NDUFAF2: variants seen among roughly 807,000 people sequenced by gnomAD.
NDUFAF2 encodes the protein NADH:ubiquinone oxidoreductase complex assembly factor 2.
NDUFAF2 carries 13 observed loss-of-function variants against 22.8 expected under a neutral mutation model. The ratio of observed to expected loss-of-function variants is 0.57; its 90% CI spans 0.37 to 0.91. NDUFAF2 has a LOEUF of 0.91. Ranked by LOEUF, NDUFAF2 falls within the 40% of genes least tolerant of loss-of-function variation. The pLI, the probability that NDUFAF2 is intolerant of heterozygous loss-of-function variation, is 0.01. For missense variants in NDUFAF2, 162 were observed against 195.2 expected, an observed-to-expected ratio of 0.83 and a Z score of 1.01; for synonymous variants, 53 against 64.2, an observed-to-expected ratio of 0.83 and a Z score of 0.84.
At chr5:61,086,062 T>A (rs1212285058) in intron 2 of NDUFAF2, among the ~76,000 whole-genome samples, 1 of 151,946 alleles carries the variant, frequency 6.6e-6, no homozygotes. Flanking sequence ...GAGGTTATAG[T>A]GAGCTGCAAT....
intron 1 of NDUFAF2, among the ~76,000 whole-genome samples, chr5:60,995,317 G>A (rs150050673): frequency 6.6e-6 from 1 of 152,154 alleles, no homozygotes; most frequent in Non-Finnish European, 1.5e-5. Flanking sequence ...TACTTTAGCT[G>A]TCCTTTTTGG....
intron 2 of NDUFAF2, among the ~76,000 whole-genome samples, chr5:61,084,612 A>C (rs1752483588): frequency 6.6e-6 from 1 of 152,148 alleles, no homozygotes; most frequent in South Asian, 2.1e-4. Flanking sequence ...CCCTCAGCAT[A>C]ATGTCTTCAT....
At chr5:61,127,994 A>G (rs966614001) in intron 3 of NDUFAF2, among the ~76,000 whole-genome samples, 1 of 152,316 alleles carries the variant, frequency 6.6e-6, no homozygotes, top group African/African-American at 2.4e-5. Flanking sequence ...GCATTCTTAT[A>G]CACCAATAAC....
At chr5:61,009,277 C>A (rs1751413048) in intron 1 of NDUFAF2, among the ~76,000 whole-genome samples, 1 of 152,020 alleles carries the variant, frequency 6.6e-6, no homozygotes, top group Non-Finnish European at 1.5e-5. Context: ...GGTTATCTAA[C>A]AAAATGCAGA....
At chr5:61,150,898 G>A (rs886502573) in intron 3 of NDUFAF2, among the ~76,000 whole-genome samples, 3 of 152,022 alleles carry the variant, frequency 2.0e-5, no homozygotes, top group Admixed American at 2.0e-4. Context: ...AATTCTAGAG[G>A]GTATAGGAAG....
chr5:61,033,248 T>G (rs897421594), intron 1 of NDUFAF2, among the ~76,000 whole-genome samples: 5 of 152,094 alleles, frequency 3.3e-5, no homozygotes, highest in Admixed American at 3.3e-4. Context: ...AAATCACTAT[T>G]ATGTTTTCAC....
intron 3 of NDUFAF2, among the ~76,000 whole-genome samples, chr5:61,152,473 G>A (rs1741258644): frequency 6.6e-6 from 1 of 151,986 alleles, no homozygotes; most frequent in Admixed American, 6.6e-5. Flanking sequence ...CTACTGTGGG[G>A]TGCTTCATGT....
intron 2 of NDUFAF2, among the ~76,000 whole-genome samples, chr5:61,082,568 A>G (rs1160461995): frequency 6.6e-6 from 1 of 152,024 alleles, no homozygotes; most frequent in Non-Finnish European, 1.5e-5. Flanking sequence ...TCCCATTTTT[A>G]TGTTGATGTA....
At chr5:61,027,444 G>A (rs1489385850) in intron 1 of NDUFAF2, among the ~76,000 whole-genome samples, 2 of 151,708 alleles carry the variant, frequency 1.3e-5, no homozygotes. Context: ...CTTTCTGTAT[G>A]TTAATACCAA....
At chr5:61,019,253 A>G (rs1751548881) in intron 1 of NDUFAF2, among the ~76,000 whole-genome samples, 2 of 152,134 alleles carry the variant, frequency 1.3e-5, no homozygotes, top group South Asian at 2.1e-4. Context: ...GGGGATAACA[A>G]TAGTACCCAT....
At chr5:60,955,735 C>T (rs1461140826) in intron 1 of NDUFAF2, among the ~76,000 whole-genome samples, 1 of 152,088 alleles carries the variant, frequency 6.6e-6, no homozygotes, top group Non-Finnish European at 1.5e-5. Flanking sequence ...TTCCTGTCTG[C>T]TTGAAAGCAT....
intron 3 of NDUFAF2, among the ~76,000 whole-genome samples, chr5:61,101,864 A>C (rs1256117342): frequency 1.3e-5 from 2 of 152,120 alleles, no homozygotes; most frequent in African/African-American, 4.8e-5. Flanking sequence ...CTGTTCATGG[A>C]TTGGAATGTA....
At position 61,026,519 on chromosome 5, in the gene NDUFAF2, A is replaced by C. The variant is rs377583156; in HGVS notation, c.128-46606A>C. Among the ~76,000 whole-genome samples the C allele has an allele frequency of 6.6e-5, 10 of 152,188 alleles. No homozygotes were observed. The East Asian group carries it at 1.9e-3, about 29-fold the overall frequency. On this transcript the variant is annotated intron_variant, in intron 1 of 3. Transcript: ENST00000296597. The stretch of plus-strand genomic sequence containing the variant: ...AACAGAAAGAATAAGATAGCTCTTG[A>C]AGTTAAAAAAGGTTGTATAGTACAG...
intron 1 of NDUFAF2, among the ~76,000 whole-genome samples, chr5:61,017,196 T>C (rs1438870221): frequency 6.6e-6 from 1 of 152,224 alleles, no homozygotes; most frequent in African/African-American, 2.4e-5. Context: ...CCTAATAAGA[T>C]GATTTTGGAA....
chr5:61,116,691 T>G (rs1485021582), intron 3 of NDUFAF2: 1 of 152,142 alleles, frequency 6.6e-6, no homozygotes, highest in Non-Finnish European at 1.5e-5. Flanking sequence ...ATGCAAAGTC[T>G]CATAGAATTA....
At chr5:61,017,180 T>C (rs993015422) in intron 1 of NDUFAF2, among the ~76,000 whole-genome samples, 1 of 152,204 alleles carries the variant, frequency 6.6e-6, no homozygotes, top group East Asian at 1.9e-4. Context: ...AAATAACTGA[T>C]TATGTCCTAA....
chr5:60,989,688 G>A (rs938816883), intron 1 of NDUFAF2, among the ~76,000 whole-genome samples: 4 of 152,144 alleles, frequency 2.6e-5, no homozygotes, highest in Admixed American at 2.6e-4. Flanking sequence ...ATGAGTGGGA[G>A]CTAAGTAACA....
intron 1 of NDUFAF2, among the ~76,000 whole-genome samples, chr5:61,014,572 C>G (rs1751483148): frequency 6.6e-6 from 1 of 152,134 alleles, no homozygotes; most frequent in Admixed American, 6.6e-5. Context: ...AGATGGCAAC[C>G]TGGGACTTGT....
chr5:61,073,678 C>G (rs1316788199), intron 2 of NDUFAF2, among the ~76,000 whole-genome samples: 2 of 152,174 alleles, frequency 1.3e-5, no homozygotes, highest in African/African-American at 4.8e-5. Flanking sequence ...CACAATAACT[C>G]TATGATAACT....
Sources: allele counts gnomAD v4.1 joint callset (sites outside exome capture counted in the v4.1 genomes callset), GRCh38; gene constraint gnomAD v4.1.1; transcripts MANE v1.5; gene names NCBI Gene and HGNC (gene_info 2026-07-23, HGNC 2026-07-21).